Variants in CSNK1G1 observed in about 807,000 individuals in gnomAD.
CSNK1G1 encodes casein kinase 1 gamma 1.
In CSNK1G1, 22 loss-of-function variants were observed where a neutral mutation model predicts 59.6. The ratio of observed to expected loss-of-function variants is 0.37; its 90% CI spans 0.26 to 0.53. The LOEUF is 0.53. Among genes scored for constraint, CSNK1G1 ranks in the 20% least tolerant of loss-of-function variants. CSNK1G1 has a pLI of 0.89. For missense variants in CSNK1G1, 384 were observed against 519.5 expected (o/e 0.74, Z 2.54); for synonymous variants, 179 against 177.1 (o/e 1.01, Z -0.08).
At chr15:64,310,207 T>C (rs1895917224) in intron 1 of CSNK1G1, among the ~76,000 whole-genome samples, 1 of 152,080 alleles carries the variant, frequency 6.6e-6, no homozygotes, top group African/African-American at 2.4e-5. Flanking sequence ...GCTATTTCAT[T>C]TTTTCCTGGC....
intron 2 of CSNK1G1, among the ~76,000 whole-genome samples, chr15:64,282,513 G>A (rs1296964876): frequency 1.3e-5 from 2 of 152,002 alleles, no homozygotes; most frequent in Admixed American, 6.6e-5. Flanking sequence ...AGATCCGCCC[G>A]CCTCTCAGTC....
At position 64,217,999 on chromosome 15, in the gene CSNK1G1, G is replaced by A. The variant is rs145216968; in HGVS notation, c.293-1286C>T. 2.1e-3 allele frequency among the ~76,000 whole-genome samples: 323 copies of A among 152,262 alleles called. 1 individual carries two copies. The highest frequency in any genetic ancestry group is 3.4e-3 in the Non-Finnish European group (230 of 68,026). On this transcript the variant is annotated intron_variant, in intron 4 of 11. Coordinates refer to ENST00000303052, the MANE Select transcript of CSNK1G1 (RefSeq NM_022048.5). The stretch of plus-strand genomic sequence containing the variant: ...AGGTCTCAGTGTTACCCAGGCTGGA[G>A]TGCAGTGGTAAGATCTCGGCTCGCA...
At chr15:64,256,532 A>G (rs896323749) in intron 3 of CSNK1G1, among the ~76,000 whole-genome samples, 6 of 152,216 alleles carry the variant, frequency 3.9e-5, no homozygotes, top group Non-Finnish European at 8.8e-5. Context: ...TTGGGCTTCA[A>G]GGTGCTTTTC....
chr15:64,181,029 G>C, intron 10 of CSNK1G1: 1 of 814,460 alleles, frequency 1.2e-6, no homozygotes, highest in Non-Finnish European at 1.8e-6. Flanking sequence ...GAAGTCAACA[G>C]TGGGTACCAG....
chr15:64,214,209 T>C lies in CSNK1G1; in HGVS notation c.445-85A>G, dbSNP rs1483155912. On this transcript the variant is annotated intron_variant, in intron 5 of 11. Coordinates refer to ENST00000303052, the MANE Select transcript of CSNK1G1 (RefSeq NM_022048.5). This position sits in a 1 kb window ranked among gnomAD's most constrained non-coding sequence, Gnocchi z 4.3. ...AACAGTTTCTTTAGCCAGACCAAGGTTTTAATTATTGAAATAACAGTAAAA... is the reference window on the plus strand; with the variant it reads ...AACAGTTTCTTTAGCCAGACCAAGGCTTTAATTATTGAAATAACAGTAAAA... 1 of 971,004 alleles carries C rather than the reference T, an allele frequency of 1.0e-6. No homozygotes were observed. The highest frequency in any genetic ancestry group is 1.6e-5 in the African/African-American group (1 of 61,262). The allele number at this position is 971,004 out of a possible 1,614,324, so 60.1% of individuals were successfully genotyped here.
At position 64,176,368 on chromosome 15, in the gene CSNK1G1, G is replaced by A. The variant is rs1404460090; in HGVS notation, c.1214+3980C>T. The A allele has an allele frequency of 1.5e-5, 6 of 398,008 alleles. No individual in the cohort carries two copies. Among genetic ancestry groups the A allele is most frequent in the Non-Finnish European group, 2.2e-5 (5 of 225,982 alleles). 24.7% of individuals were successfully genotyped at this position (398,008 alleles called of 1,614,324 possible). ...TAGTCCACAGAGGTGAAATGGAAGC[G>A]ACTCCCTGTGAGCCATGCAAACATG... On this transcript the variant is annotated intron_variant, in intron 11 of 11. Transcript: ENST00000303052. This position sits in a 1 kb window ranked among gnomAD's most constrained non-coding sequence, Gnocchi z 5.2.
intron 11 of CSNK1G1, among the ~76,000 whole-genome samples, chr15:64,172,911 G>A (rs936943636): frequency 1.3e-5 from 2 of 152,134 alleles, no homozygotes; most frequent in Non-Finnish European, 2.9e-5. Flanking sequence ...TCTTGCTCAG[G>A]CAGTCCAGAA....
intron 10 of CSNK1G1, among the ~76,000 whole-genome samples, chr15:64,193,491 C>CCAAAAAAA (rs1555499067): frequency 7.6e-6 from 1 of 131,970 alleles, no homozygotes; most frequent in African/African-American, 3.0e-5. Context: ...GACTCTGTCT[C>CCAAAAAAA]AAAAAAAAAA....
At position 64,171,585 on chromosome 15, in the gene CSNK1G1, GA is replaced by G. The variant is rs1471899272; in HGVS notation, c.*345del. On this transcript the variant is annotated 3_prime_UTR_variant, in exon 12 of 12. Transcript: ENST00000303052. The surrounding 1 kb of genome is among the most constrained non-coding windows in gnomAD (Gnocchi z 4.8). ...GGGTTGAGGGTGGGGTAAAAACCAG[GA>G]GTAAACTAAGGGGAAGAAGGAGAAT... 3.5e-6 allele frequency: 1 copy of G among 285,132 alleles called. No homozygotes were observed. Among genetic ancestry groups the G allele is most frequent in the South Asian group, 5.4e-5 (1 of 18,474 alleles). The allele number at this position is 285,132 out of a possible 1,614,324, so 17.7% of individuals were successfully genotyped here.
chr15:64,283,781 C>A (rs1777874263), intron 2 of CSNK1G1, among the ~76,000 whole-genome samples: 1 of 152,328 alleles, frequency 6.6e-6, no homozygotes, highest in African/African-American at 2.4e-5. Context: ...CTGCACCTAG[C>A]CAACTTTTAA....
chr15:64,317,777 C>T (rs551718568), intron 1 of CSNK1G1, among the ~76,000 whole-genome samples: 26 of 152,292 alleles, frequency 1.7e-4, no homozygotes, highest in Non-Finnish European at 3.4e-4. Context: ...GGATTATAGG[C>T]GTGAGCCACC....
rs1234819531 is a variant in CSNK1G1, at chr15:64,200,391, G to A, written c.1107+2691C>T. ...CAGGCTGGAGTGCAGTGGTGCCCAGGCTGGGGTGTAATGGTACCATCTCGT... is the reference window on the plus strand; with the variant it reads ...CAGGCTGGAGTGCAGTGGTGCCCAGACTGGGGTGTAATGGTACCATCTCGT... On this transcript the variant is annotated intron_variant, in intron 10 of 11. Coordinates refer to ENST00000303052, the MANE Select transcript of CSNK1G1 (RefSeq NM_022048.5). This position sits in a 1 kb window ranked among gnomAD's most constrained non-coding sequence, Gnocchi z 4.3. 6.6e-6 allele frequency among the ~76,000 whole-genome samples: 1 copy of A among 152,142 alleles called. No homozygotes were observed. The highest frequency in any genetic ancestry group is 2.4e-5 in the African/African-American group (1 of 41,430).
rs1479336822 is a variant in CSNK1G1 at position 64,332,051 on chromosome 15, T to C, written c.-225+23937A>G. Among the ~76,000 whole-genome samples the C allele has an allele frequency of 2.0e-3, 294 of 149,482 alleles. 1 individual carries two copies. Among genetic ancestry groups the C allele is most frequent in the African/African-American group, 6.9e-3 (279 of 40,656 alleles). ...AGGTGCTGGAGAGGATGTGGAGAAATAGGAACACTTTTACACTGTTGGTGG... is the reference window on the plus strand; with the variant it reads ...AGGTGCTGGAGAGGATGTGGAGAAACAGGAACACTTTTACACTGTTGGTGG... On this transcript the variant is annotated intron_variant, in intron 1 of 11. Transcript: ENST00000303052.
intron 3 of CSNK1G1, among the ~76,000 whole-genome samples, chr15:64,256,650 C>T (rs549119510): frequency 6.6e-6 from 1 of 152,142 alleles, no homozygotes; most frequent in East Asian, 1.9e-4. Context: ...TGTTAGAAAA[C>T]CTCTGTTAAA....
At chr15:64,296,463 CTCTG>C (rs2140395322) in intron 2 of CSNK1G1, among the ~76,000 whole-genome samples, 1 of 152,264 alleles carries the variant, frequency 6.6e-6, no homozygotes, top group African/African-American at 2.4e-5. Context: ...ATTTGTTTTT[CTCTG>C]TCTACCACTA....
At chr15:64,349,296 A>G (rs1898151200) in intron 1 of CSNK1G1, among the ~76,000 whole-genome samples, 2 of 152,156 alleles carry the variant, frequency 1.3e-5, no homozygotes, top group South Asian at 4.1e-4. Flanking sequence ...TTTATGTAGC[A>G]TTTTGATGGA....
At chr15:64,286,026 T>C (rs1321937075) in intron 2 of CSNK1G1, among the ~76,000 whole-genome samples, 3 of 152,214 alleles carry the variant, frequency 2.0e-5, no homozygotes, top group Non-Finnish European at 2.9e-5. Context: ...TCACCCATGC[T>C]TTCCAGCAGT....
intron 1 of CSNK1G1, among the ~76,000 whole-genome samples, chr15:64,301,899 A>G (rs2140405150): frequency 6.6e-6 from 1 of 152,186 alleles, no homozygotes; most frequent in South Asian, 2.1e-4. Context: ...AAAAAAAAAG[A>G]AAGAAAGAAA....
Position 64,289,518 on chromosome 15 carries a change from C to CTA in CSNK1G1, c.181+10800_181+10801insTA, listed in dbSNP as rs1894619540. ...CTACGATACTACTACAAACAAGAAT[C>CTA]TCATATACATTTGATATTCTTCCAA... On this transcript the variant is annotated intron_variant, in intron 2 of 11. Transcript: ENST00000303052. 3.3e-5 allele frequency among the ~76,000 whole-genome samples: 5 copies of CTA among 152,068 alleles called. No homozygotes were observed. In the South Asian group the frequency reaches 1.0e-3, roughly 32 times the overall value.
Sources: allele counts gnomAD v4.1 joint callset (sites outside exome capture counted in the v4.1 genomes callset), GRCh38; gene constraint gnomAD v4.1.1; non-coding constraint Gnocchi (gnomAD v3.1); transcripts MANE v1.5; gene names NCBI Gene and HGNC (gene_info 2026-07-23, HGNC 2026-07-21).